The following PPP2R3A variants were observed in gnomAD, a reference collection of about 807,000 sequenced individuals.
PPP2R3A encodes serine/threonine-protein phosphatase 2A regulatory subunit B'' subunit alpha.
A neutral mutation model predicts 106.9 loss-of-function variants in PPP2R3A; 80 were observed. The observed-to-expected ratio is 0.75, with a 90% confidence interval of 0.62 to 0.90. PPP2R3A has a LOEUF of 0.90. Ranked by LOEUF, PPP2R3A falls within the 40% of genes least tolerant of loss-of-function variation. PPP2R3A has a pLI of 0.00. For synonymous variants in PPP2R3A, 483 were observed against 468.3 expected, an observed-to-expected ratio of 1.03 and a Z score of -0.41; for missense variants, 1,386 against 1,350.4, an observed-to-expected ratio of 1.03 and a Z score of -0.41.
At chr3:136,037,860 G>T (rs1273745944) in intron 3 of PPP2R3A, among the ~76,000 whole-genome samples, 1 of 151,088 alleles carries the variant, frequency 6.6e-6, no homozygotes, top group African/African-American at 2.4e-5. Flanking sequence ...ATATTGACTC[G>T]CCTCCCCCTC....
chr3:136,029,873 G>A (rs1378148181), intron 3 of PPP2R3A, among the ~76,000 whole-genome samples: 1 of 152,114 alleles, frequency 6.6e-6, no homozygotes, highest in Non-Finnish European at 1.5e-5. Flanking sequence ...AAAGTAAACT[G>A]CACATACCTT....
intron 1 of PPP2R3A, among the ~76,000 whole-genome samples, chr3:135,991,211 T>G (rs1285169705): frequency 6.6e-6 from 1 of 152,170 alleles, no homozygotes; most frequent in Non-Finnish European, 1.5e-5. Flanking sequence ...CATAGTTCTT[T>G]ATGTTGAAGG....
chr3:136,107,402 C>T (rs1245621716), intron 13 of PPP2R3A, among the ~76,000 whole-genome samples: 7 of 145,612 alleles, frequency 4.8e-5, no homozygotes, highest in African/African-American at 1.8e-4. Flanking sequence ...CTCCACCTAT[C>T]TATGTATATT....
At chr3:136,035,697 G>A (rs892297785) in intron 3 of PPP2R3A, among the ~76,000 whole-genome samples, 2 of 152,172 alleles carry the variant, frequency 1.3e-5, no homozygotes, top group Admixed American at 1.3e-4. Context: ...TGATGAGAGT[G>A]TGCCTAGGCA....
chr3:136,065,981 C>T (rs1164719630), intron 5 of PPP2R3A, among the ~76,000 whole-genome samples: 6 of 152,238 alleles, frequency 3.9e-5, no homozygotes, highest in African/African-American at 1.4e-4. Flanking sequence ...CCAGAAGAAA[C>T]TTTTAAAATC....
chr3:136,023,766 C>G (rs1318885282), intron 2 of PPP2R3A, among the ~76,000 whole-genome samples: 1 of 151,944 alleles, frequency 6.6e-6, no homozygotes, highest in Non-Finnish European at 1.5e-5. Flanking sequence ...ACTTCTAGAT[C>G]ATTAAAAATG....
intron 10 of PPP2R3A, among the ~76,000 whole-genome samples, chr3:136,094,164 C>G (rs1937162724): frequency 6.6e-6 from 1 of 152,076 alleles, no homozygotes; most frequent in South Asian, 2.1e-4. Context: ...CCAGAATAGA[C>G]AAATGTATAG....
intron 13 of PPP2R3A, among the ~76,000 whole-genome samples, chr3:136,142,242 A>T (rs574729894): frequency 6.6e-6 from 1 of 152,242 alleles, no homozygotes; most frequent in East Asian, 1.9e-4. Flanking sequence ...TTATTGTGAG[A>T]CATACGGCAC....
At chr3:135,993,982 A>C (rs1456032466) in intron 1 of PPP2R3A, among the ~76,000 whole-genome samples, 1 of 152,192 alleles carries the variant, frequency 6.6e-6, no homozygotes, top group Non-Finnish European at 1.5e-5. Flanking sequence ...GCGGTGATAA[A>C]AATGTTCTGT....
chr3:136,034,364 A>G (rs566616834), intron 3 of PPP2R3A, among the ~76,000 whole-genome samples: 5 of 152,280 alleles, frequency 3.3e-5, no homozygotes, highest in Admixed American at 3.3e-4. Flanking sequence ...GTTTAGGGCT[A>G]TGAACTTTTC....
At chr3:136,019,385 G>T (rs1355686363) in intron 2 of PPP2R3A, among the ~76,000 whole-genome samples, 1 of 151,820 alleles carries the variant, frequency 6.6e-6, no homozygotes, top group Non-Finnish European at 1.5e-5. Context: ...CCTCATTCTG[G>T]TTAGTTCCTC....
At chr3:136,051,509 T>C (rs1440840189) in intron 5 of PPP2R3A, among the ~76,000 whole-genome samples, 3 of 152,128 alleles carry the variant, frequency 2.0e-5, no homozygotes, top group Non-Finnish European at 2.9e-5. Context: ...TTTGTGTTTT[T>C]AGTAGAGACT....
At chr3:136,079,105 C>A in intron 7 of PPP2R3A, 1 of 426,688 alleles carries the variant, frequency 2.3e-6, no homozygotes, top group Admixed American at 2.8e-5. Context: ...GCTAATAATA[C>A]AACCTTACTT....
At chr3:136,052,865 T>G (rs1369673466) in intron 5 of PPP2R3A, among the ~76,000 whole-genome samples, 1 of 152,096 alleles carries the variant, frequency 6.6e-6, no homozygotes, top group Non-Finnish European at 1.5e-5. Context: ...GAAGTTAAAG[T>G]GTAGAAATTA....
rs550646830 is a variant in PPP2R3A at position 136,002,948 on chromosome 3, G to A, written c.1450G>A (p.Asp484Asn). The change falls in exon 2 of 14, where the codon GAC (aspartate) becomes AAC (asparagine). Residue 484 changes from aspartate to asparagine, a missense_variant. Asp to Asn is a conservative substitution (Grantham distance 23). Coordinates refer to ENST00000264977, the MANE Select transcript of PPP2R3A (RefSeq NM_002718.5). ...ATCATTTGTTAATCTACCTAAGGAA[G>A]ACTGTAAATCAAAAGTTTCTAAATT... ...EKSFVNLPKE[D>N]CKSKVSKFEE... 69 of 1,612,462 alleles carry A rather than the reference G, an allele frequency of 4.3e-5. No homozygotes were observed. The South Asian group carries it at 7.3e-4, about 17-fold the overall frequency.
intron 2 of PPP2R3A, among the ~76,000 whole-genome samples, chr3:136,021,316 G>GAAGC (rs1221414267): frequency 6.6e-6 from 1 of 152,100 alleles, no homozygotes; most frequent in Non-Finnish European, 1.5e-5. Context: ...GACTCAGGAT[G>GAAGC]AAGCATAAGA....
intron 5 of PPP2R3A, among the ~76,000 whole-genome samples, chr3:136,056,421 A>C (rs2107877117): frequency 6.6e-6 from 1 of 152,284 alleles, no homozygotes; most frequent in South Asian, 2.1e-4. Context: ...ATCTGGGCGC[A>C]GGGTATATGG....
In PPP2R3A at chr3:136,001,758, C is replaced by T. The variant is rs1450418332; in HGVS notation, c.260C>T (p.Pro87Leu). 9 of 1,613,968 alleles carry T rather than the reference C, an allele frequency of 5.6e-6. No individual in the cohort carries two copies. Among genetic ancestry groups the T allele is most frequent in the Non-Finnish European group, 7.6e-6 (9 of 1,180,010 alleles). Residue 87 changes from proline (P) to leucine (L), a missense_variant, in exon 2 of 14, where the codon CCC (proline) becomes CTC (leucine). Pro to Leu is a moderately conservative substitution (Grantham distance 98). Transcript: ENST00000264977. ...NGLSSAEGDY[P>L]QQAFTGIPRV... ...CTTTCTTCGGCTGAAGGAGACTATC[C>T]CCAACAGGCCTTCACAGGCATACCC... is the stretch of plus-strand genomic sequence containing the variant.
intron 10 of PPP2R3A, among the ~76,000 whole-genome samples, chr3:136,093,824 A>G (rs1937154148): frequency 6.6e-6 from 1 of 152,266 alleles, no homozygotes; most frequent in African/African-American, 2.4e-5. Context: ...GCCGTTACAG[A>G]AAAGTCTGAC....
Sources: gnomAD v4.1 joint callset for allele counts (sites outside exome capture counted in the v4.1 genomes callset) on GRCh38, gnomAD v4.1.1 for gene constraint, MANE v1.5 for transcripts, NCBI Gene and HGNC (gene_info 2026-07-23, HGNC 2026-07-21) for gene names.